The following ADAMTS12 variants were observed in gnomAD, a reference collection of about 807,000 sequenced individuals.
ADAMTS12 encodes A disintegrin and metalloproteinase with thrombospondin motifs 12.
In ADAMTS12, 118 loss-of-function variants were observed where a neutral mutation model predicts 167.8. The ratio of observed to expected loss-of-function variants is 0.70; its 90% confidence interval spans 0.61 to 0.82. The LOEUF (loss-of-function observed/expected upper bound fraction) is 0.82. ADAMTS12 is among the 40% of genes least tolerant of loss of function. ADAMTS12 has a pLI of 0.00. For missense variants in ADAMTS12, 1,916 were observed against 1,998.8 expected (o/e 0.96, Z 0.79); for synonymous variants, 704 against 716.9 (o/e 0.98, Z 0.29).
intron 17 of ADAMTS12, among the ~76,000 whole-genome samples, chr5:33,595,106 T>TC (rs1454476197): frequency 2.0e-5 from 3 of 152,232 alleles, no homozygotes; most frequent in East Asian, 1.9e-4. Flanking sequence ...TCTCCCTTTT[T>TC]CCCTCCCTCT....
At chr5:33,757,488 G>A (rs992157897) in intron 2 of ADAMTS12, among the ~76,000 whole-genome samples, 1 of 152,102 alleles carries the variant, frequency 6.6e-6, no homozygotes, top group Non-Finnish European at 1.5e-5. Flanking sequence ...CTTCTAGAGG[G>A]AGTTGTACCC....
At chr5:33,851,155 G>C (rs780230698) in intron 2 of ADAMTS12, among the ~76,000 whole-genome samples, 60 of 152,208 alleles carry the variant, frequency 3.9e-4, no homozygotes, top group Non-Finnish European at 3.2e-4. Flanking sequence ...GCTCATGCCT[G>C]TAATCCCAGC....
Position 33,744,513 on chromosome 5 carries a change from T to A in ADAMTS12, c.634+6891A>T, listed in dbSNP as rs562263424. ...GGCTTTAGTCATGGGAAAGATATGA[T>A]TTGATTTGTGTTTTGGAAATATTTC... On this transcript the variant is annotated intron_variant, in intron 3 of 23. Coordinates refer to ENST00000504830, the MANE Select transcript of ADAMTS12 (RefSeq NM_030955.4). Among the ~76,000 whole-genome samples the A allele has an allele frequency of 1.2e-4, 18 of 152,204 alleles. 1 individual carries two copies. The highest frequency in any genetic ancestry group is 4.3e-4 in the African/African-American group (18 of 41,538).
At chr5:33,674,801 A>G (rs1315030498) in intron 5 of ADAMTS12, among the ~76,000 whole-genome samples, 2 of 152,198 alleles carry the variant, frequency 1.3e-5, no homozygotes, top group Admixed American at 6.5e-5. Context: ...ATGGCAGACT[A>G]ACTTGTTAGC....
At position 33,659,208 on chromosome 5, in the gene ADAMTS12, A is replaced by G. The variant is rs551485362; in HGVS notation, c.1041-875T>C. Among the ~76,000 whole-genome samples, 7 of 152,276 alleles carry G rather than the reference A, an allele frequency of 4.6e-5. No individual in the cohort carries two copies. In the South Asian group the frequency reaches 1.5e-3, roughly 32 times the overall value. ...ATCCAGACTTTGAGAACCCATGTGA[A>G]TCTTCAGTTCTCCAGGTTGCAATGG... On this transcript the variant is annotated intron_variant, in intron 6 of 23. Coordinates refer to ENST00000504830, the MANE Select transcript of ADAMTS12 (RefSeq NM_030955.4).
intron 3 of ADAMTS12, among the ~76,000 whole-genome samples, chr5:33,688,641 A>G (rs1282767522): frequency 6.6e-6 from 1 of 152,228 alleles, no homozygotes; most frequent in Non-Finnish European, 1.5e-5. Context: ...GAGAACCTGG[A>G]GTAGTGCTAG....
chr5:33,639,006 C>T (rs573747946), intron 11 of ADAMTS12, among the ~76,000 whole-genome samples: 1 of 152,182 alleles, frequency 6.6e-6, no homozygotes, highest in South Asian at 2.1e-4. Context: ...CGCAGGAGTG[C>T]CAATAGCCTG....
At position 33,524,434 on chromosome 5, in the gene ADAMTS12, C is replaced by G. The variant is rs1743714238; in HGVS notation, c.*2754G>C. ...AAGTACCAGGCCCTGCGATGGCCCT[C>G]TCTATTTCATAGAGATATGTATCCA... On this transcript the variant is annotated 3_prime_UTR_variant, in exon 24 of 24. Coordinates refer to ENST00000504830, the MANE Select transcript of ADAMTS12 (RefSeq NM_030955.4). 2 of 152,204 alleles carry G rather than the reference C, an allele frequency of 1.3e-5. No homozygotes were observed. Among genetic ancestry groups the G allele is most frequent in the Non-Finnish European group, 2.9e-5 (2 of 68,042 alleles). The allele number at this position is 152,204 out of a possible 1,614,324, so 9.4% of individuals were successfully genotyped here.
intron 2 of ADAMTS12, among the ~76,000 whole-genome samples, chr5:33,757,736 G>C (rs1745217504): frequency 6.6e-6 from 1 of 152,152 alleles, no homozygotes; most frequent in Non-Finnish European, 1.5e-5. Context: ...TGTGATCTTG[G>C]TCCCATTGCT....
chr5:33,706,186 T>C (rs1743195167), intron 3 of ADAMTS12, among the ~76,000 whole-genome samples: 1 of 152,120 alleles, frequency 6.6e-6, no homozygotes, highest in Non-Finnish European at 1.5e-5. Context: ...TACTGTTCCC[T>C]TCCCCCTTCA....
intron 3 of ADAMTS12, among the ~76,000 whole-genome samples, chr5:33,688,714 T>G (rs1742442320): frequency 6.6e-6 from 1 of 152,192 alleles, no homozygotes; most frequent in Admixed American, 6.5e-5. Flanking sequence ...CAGTACATTC[T>G]GGAGTGCTTT....
In ADAMTS12 at chr5:33,540,121, C is replaced by A. The variant is rs1471783312; in HGVS notation, c.4447-5129G>T. On this transcript the variant is annotated intron_variant, in intron 22 of 23. Coordinates refer to ENST00000504830, the MANE Select transcript of ADAMTS12 (RefSeq NM_030955.4). The stretch of plus-strand genomic sequence containing the variant: ...TCCCACTCAAATACTGCACTTTTCC[C>A]AAGGTCTTAGCAACTGGCAGACAAG... Among the ~76,000 whole-genome samples the A allele has an allele frequency of 2.0e-5, 3 of 152,262 alleles. No individual in the cohort carries two copies. In the South Asian group the frequency reaches 6.2e-4, roughly 31 times the overall value.
At chr5:33,615,149 T>A (rs1206500381) in intron 15 of ADAMTS12, among the ~76,000 whole-genome samples, 2 of 152,214 alleles carry the variant, frequency 1.3e-5, no homozygotes, top group African/African-American at 4.8e-5. Context: ...TTCCCATGTG[T>A]TAATCCTTGC....
At chr5:33,833,769 T>G (rs761064205) in intron 2 of ADAMTS12, among the ~76,000 whole-genome samples, 15 of 152,276 alleles carry the variant, frequency 9.9e-5, no homozygotes, top group Non-Finnish European at 1.5e-4. Context: ...CTAGAAAAAT[T>G]AATTCACAAA....
At chr5:33,711,623 C>T (rs962829861) in intron 3 of ADAMTS12, among the ~76,000 whole-genome samples, 5 of 152,098 alleles carry the variant, frequency 3.3e-5, no homozygotes, top group Admixed American at 3.3e-4. Flanking sequence ...AAGCAACATC[C>T]TCCCAAAGAA....
chr5:33,623,449 A>T (rs570268948), intron 14 of ADAMTS12, among the ~76,000 whole-genome samples: 11 of 152,206 alleles, frequency 7.2e-5, no homozygotes, highest in Admixed American at 7.2e-4. Context: ...CATGGTTCCC[A>T]TATAATGGTT....
intron 19 of ADAMTS12, among the ~76,000 whole-genome samples, chr5:33,572,691 G>A (rs1465384572): frequency 1.4e-5 from 2 of 146,220 alleles, no homozygotes; most frequent in East Asian, 2.0e-4. Context: ...ACTGGCACAA[G>A]ACAGGGATGC....
chr5:33,748,268 A>C (rs1744860430), intron 3 of ADAMTS12, among the ~76,000 whole-genome samples: 1 of 152,206 alleles, frequency 6.6e-6, no homozygotes, highest in Non-Finnish European at 1.5e-5. Context: ...ATCGTTGATA[A>C]AATGAGGTTT....
At position 33,549,271 on chromosome 5, in the gene ADAMTS12, G is replaced by A. The variant is rs1318159108; in HGVS notation, c.4238C>T (p.Pro1413Leu). The change falls in exon 21 of 24, where the codon CCC becomes CTC. Residue 1413 changes from proline (P) to leucine (L), a missense_variant. Coordinates refer to ENST00000504830, the MANE Select transcript of ADAMTS12 (RefSeq NM_030955.4). ...FHCQFLAGIPPPLSMSCNPEP... is the reference protein window; with the variant it reads ...FHCQFLAGIPLPLSMSCNPEP... ...CGGGTTACAGCTCATGCTCAATGGG[G>A]GAGGAATGCCGGCCAGGAACTGGCA... 16 of 1,614,084 alleles carry A rather than the reference G, an allele frequency of 9.9e-6. No individual in the cohort carries two copies. Among genetic ancestry groups the A allele is most frequent in the Middle Eastern group, 1.6e-4 (1 of 6,084 alleles).
Sources: allele counts gnomAD v4.1 joint callset (sites outside exome capture counted in the v4.1 genomes callset), GRCh38; gene constraint gnomAD v4.1.1; transcripts MANE v1.5; gene names NCBI Gene and HGNC (gene_info 2026-07-23, HGNC 2026-07-21).